The following WNT9A variants were observed in gnomAD, a reference collection of about 807,000 sequenced individuals.
WNT9A encodes Wnt family member 9A.
A neutral mutation model predicts 31.4 loss-of-function variants in WNT9A; 8 were observed. The ratio of observed to expected loss-of-function variants is 0.26; its 90% CI spans 0.15 to 0.46. WNT9A has a LOEUF of 0.46. WNT9A is among the 20% of genes least tolerant of loss of function. The pLI is 0.99. For missense variants in WNT9A, 457 were observed against 522.9 expected (o/e 0.87, Z 1.23); for synonymous variants, 236 against 220.1 (o/e 1.07, Z -0.64).
chr1:227,943,911 GTGGAGGCAGCAA>G (rs900030526), intron 1 of WNT9A, among the ~76,000 whole-genome samples: 2 of 152,282 alleles, frequency 1.3e-5, no homozygotes, highest in African/African-American at 4.8e-5. Flanking sequence ...AGCCTCTGAG[GTGGAGGCAGCAA>G]TGAGCCTTCA....
Position 227,926,350 on chromosome 1 carries a change from T to C in WNT9A, c.96-831A>G, listed in dbSNP as rs1051184452. ...AGGAACCCGGCTCCACCCCACTGGGTGCCCCCTCCCCCCAGCTGGCTGCTG... is the reference window on the plus strand; with the variant it reads ...AGGAACCCGGCTCCACCCCACTGGGCGCCCCCTCCCCCCAGCTGGCTGCTG... On this transcript the variant is annotated intron_variant, in intron 1 of 3. Coordinates refer to ENST00000272164, the MANE Select transcript of WNT9A (RefSeq NM_003395.4). The surrounding 1 kb of genome is among the most constrained non-coding windows in gnomAD (Gnocchi z 5.0). Among the ~76,000 whole-genome samples, 6 of 151,904 alleles carry C rather than the reference T, an allele frequency of 3.9e-5. No individual in the cohort carries two copies. Among genetic ancestry groups the C allele is most frequent in the African/African-American group, 1.5e-4 (6 of 41,372 alleles).
At chr1:227,946,825 C>T (rs1334635165) in intron 1 of WNT9A, among the ~76,000 whole-genome samples, 2 of 152,022 alleles carry the variant, frequency 1.3e-5, no homozygotes, top group Non-Finnish European at 2.9e-5. Flanking sequence ...GCCAGAGGGC[C>T]GGGAACAGGT....
At chr1:227,938,517 A>G (rs895688769) in intron 1 of WNT9A, among the ~76,000 whole-genome samples, 5 of 151,962 alleles carry the variant, frequency 3.3e-5, no homozygotes, top group Admixed American at 2.6e-4. Context: ...CCATACACTC[A>G]TGTGTACACA....
intron 1 of WNT9A, 31 bp downstream of exon 1, chr1:227,947,762 C>T: frequency 2.8e-6 from 3 of 1,064,890 alleles, no homozygotes; most frequent in Non-Finnish European, 3.4e-6. Context: ...CCCCCGCCCA[C>T]CAGTGCGCGC....
chr1:227,945,265 C>T (rs943321047), intron 1 of WNT9A, among the ~76,000 whole-genome samples: 1 of 152,218 alleles, frequency 6.6e-6, no homozygotes, highest in African/African-American at 2.4e-5. Context: ...CCCTGCTTAC[C>T]CCTCTGTCTA....
intron 1 of WNT9A, among the ~76,000 whole-genome samples, chr1:227,938,466 C>T (rs1228907551): frequency 1.3e-5 from 2 of 151,820 alleles, no homozygotes; most frequent in Non-Finnish European, 2.9e-5. Context: ...CATGCATACA[C>T]ACATCCACAG....
chr1:227,946,214 G>C (rs1322581267), intron 1 of WNT9A, among the ~76,000 whole-genome samples: 1 of 152,254 alleles, frequency 6.6e-6, no homozygotes, highest in Non-Finnish European at 1.5e-5. Context: ...ACACAAAGCA[G>C]CAGAGCCCCT....
Position 227,921,547 on chromosome 1 carries a change from G to A in WNT9A, c.1069C>T (p.Arg357Cys), listed in dbSNP as rs1220806502. Residue 357 changes from arginine (R) to cysteine (C), a missense_variant, in exon 4 of 4, where the codon CGT becomes TGT. Transcript: ENST00000272164. ...CYVECRQCTQ[R>C]EEVYTCKG ...CCCTTGCAGGTGTAGACCTCCTCACGCTGCGTGCACTGCCTGCACTCCACA... is the reference window on the plus strand; with the variant it reads ...CCCTTGCAGGTGTAGACCTCCTCACACTGCGTGCACTGCCTGCACTCCACA... 4.3e-6 allele frequency: 7 copies of A among 1,611,902 alleles called. No homozygotes were observed. Among genetic ancestry groups the A allele is most frequent in the South Asian group, 3.3e-5 (3 of 91,008 alleles).
At chr1:227,922,924 G>A (rs1043097060) in intron 3 of WNT9A, among the ~76,000 whole-genome samples, 3 of 152,182 alleles carry the variant, frequency 2.0e-5, no homozygotes, top group African/African-American at 7.2e-5. Flanking sequence ...ATTTAATGAT[G>A]CTTTGCAGAG....
chr1:227,940,220 G>C (rs1048910547), intron 1 of WNT9A, among the ~76,000 whole-genome samples: 22 of 152,206 alleles, frequency 1.4e-4, no homozygotes, highest in African/African-American at 5.1e-4. Context: ...CCCTTTTCTG[G>C]GGCAGGGTCC....
chr1:227,924,415 G>T lies in WNT9A; in HGVS notation c.353-15C>A. On this transcript the variant is annotated splice_polypyrimidine_tract_variant and intron_variant, in intron 2 of 3. Transcript: ENST00000272164. ...CTCCTTGAAGCCTGGGGTTGGCAAG[G>T]GCCGATCAGTGAGCCCAGGCTGCCC... The T allele has an allele frequency of 6.2e-7, 1 of 1,604,736 alleles. No homozygotes were observed. Among genetic ancestry groups the T allele is most frequent in the Non-Finnish European group, 8.5e-7 (1 of 1,172,990 alleles).
intron 1 of WNT9A, among the ~76,000 whole-genome samples, chr1:227,945,632 C>T (rs902750859): frequency 2.6e-5 from 4 of 152,172 alleles, no homozygotes; most frequent in Non-Finnish European, 5.9e-5. Context: ...GGCCCTAGAT[C>T]CCAGCCCCTT....
At chr1:227,944,345 G>C (rs1032775547) in intron 1 of WNT9A, among the ~76,000 whole-genome samples, 16 of 152,222 alleles carry the variant, frequency 1.1e-4, no homozygotes, top group African/African-American at 3.9e-4. Flanking sequence ...GCAGACAAGT[G>C]GTTGCCAGGG....
intron 1 of WNT9A, among the ~76,000 whole-genome samples, chr1:227,937,364 G>A (rs550148809): frequency 4.6e-5 from 7 of 152,380 alleles, no homozygotes; most frequent in Admixed American, 2.6e-4. Flanking sequence ...TGAGGAAACA[G>A]TTGGCAGAAA....
At chr1:227,947,490 G>C (rs1666813559) in intron 1 of WNT9A, among the ~76,000 whole-genome samples, 1 of 152,102 alleles carries the variant, frequency 6.6e-6, no homozygotes, top group Admixed American at 6.5e-5. Flanking sequence ...AGGAAGTCGG[G>C]ACCTGATCCC....
At chr1:227,946,821 G>C (rs1394970563) in intron 1 of WNT9A, among the ~76,000 whole-genome samples, 5 of 152,294 alleles carry the variant, frequency 3.3e-5, no homozygotes, top group Non-Finnish European at 4.4e-5. Context: ...TCAGGCCAGA[G>C]GGCCGGGAAC....
At chr1:227,939,279 G>T (rs1666653367) in intron 1 of WNT9A, among the ~76,000 whole-genome samples, 1 of 152,198 alleles carries the variant, frequency 6.6e-6, no homozygotes, top group South Asian at 2.1e-4. Flanking sequence ...CTTGAGCCCT[G>T]GAAGCTGGCC....
In WNT9A at chr1:227,947,850, G is replaced by T. The variant is rs1429177027; in HGVS notation, c.38C>A (p.Ala13Glu). 1 of 1,088,252 alleles carries T rather than the reference G, an allele frequency of 9.2e-7. No homozygotes were observed. The highest frequency in any genetic ancestry group is 5.6e-5 in the East Asian group (1 of 17,740). 67.4% of individuals were successfully genotyped at this position (1,088,252 alleles called of 1,614,324 possible). ...DGSPLARWLA[A>E]AFGLTLLLAA... is the part of the protein sequence containing the mutation. ...GAGCAGCAGCGTCAGCCCGAAGGCC[G>T]CGGCCAGCCAGCGCGCCAGCGGGGA... Residue 13 changes from alanine to glutamate, a missense_variant, in exon 1 of 4, where the codon GCG becomes GAG. Coordinates refer to ENST00000272164, the MANE Select transcript of WNT9A (RefSeq NM_003395.4).
intron 1 of WNT9A, among the ~76,000 whole-genome samples, chr1:227,930,814 A>C (rs1389717440): frequency 1.3e-5 from 2 of 152,184 alleles, no homozygotes; most frequent in Non-Finnish European, 2.9e-5. Context: ...TAAGGTCAGG[A>C]GTTCGAGACC....
Sources: gnomAD v4.1 joint callset for allele counts (sites outside exome capture counted in the v4.1 genomes callset) on GRCh38, gnomAD v4.1.1 for gene constraint, Gnocchi (gnomAD v3.1) non-coding constraint, MANE v1.5 for transcripts, NCBI Gene and HGNC (gene_info 2026-07-23, HGNC 2026-07-21) for gene names.